The following CDH8 variants were observed in gnomAD, a reference collection of about 807,000 sequenced individuals.
The protein encoded by CDH8 is cadherin 8.
In CDH8, 17 loss-of-function variants were observed where a neutral mutation model predicts 68.1. That is an observed-to-expected ratio of 0.25 (90% CI 0.17 to 0.37). The LOEUF (loss-of-function observed/expected upper bound fraction) is 0.37. Ranked by LOEUF, CDH8 falls within the 10% of genes least tolerant of loss-of-function variation. The pLI, the probability that CDH8 is intolerant of heterozygous loss-of-function variation, is 1.00. For synonymous variants in CDH8, 372 were observed against 365.1 expected (o/e 1.02, Z -0.21); for missense variants, 763 against 999.3 (o/e 0.76, Z 3.19).
chr16:61,723,970 C>T (rs1959267815), intron 9 of CDH8, among the ~76,000 whole-genome samples: 1 of 149,754 alleles, frequency 6.7e-6, no homozygotes, highest in South Asian at 2.1e-4. Flanking sequence ...AAACAAATTA[C>T]CTGAAACTAT....
At chr16:61,938,895 A>G (rs1964667898) in intron 2 of CDH8, among the ~76,000 whole-genome samples, 1 of 152,160 alleles carries the variant, frequency 6.6e-6, no homozygotes, top group Non-Finnish European at 1.5e-5. Context: ...AAATGAGATG[A>G]TATATGTAAA....
At chr16:61,866,726 A>G (rs1207453302) in intron 3 of CDH8, among the ~76,000 whole-genome samples, 1 of 152,126 alleles carries the variant, frequency 6.6e-6, no homozygotes, top group African/African-American at 2.4e-5. Flanking sequence ...CCATTGCTTT[A>G]TTTAAAAAAT....
At chr16:62,009,952 A>T (rs1901766729) in intron 2 of CDH8, among the ~76,000 whole-genome samples, 1 of 152,216 alleles carries the variant, frequency 6.6e-6, no homozygotes, top group African/African-American at 2.4e-5. Context: ...ATGAGAAAGC[A>T]AAACATCAAG....
At chr16:61,899,096 T>C (rs1225374316) in intron 3 of CDH8, among the ~76,000 whole-genome samples, 1 of 152,122 alleles carries the variant, frequency 6.6e-6, no homozygotes, top group African/African-American at 2.4e-5. Context: ...ATCATCTACA[T>C]TAGGTATTTA....
At chr16:61,913,275 T>C (rs1479302766) in intron 2 of CDH8, among the ~76,000 whole-genome samples, 1 of 152,198 alleles carries the variant, frequency 6.6e-6, no homozygotes, top group African/African-American at 2.4e-5. Context: ...GTGTCAGATT[T>C]TCTACTGGTG....
intron 10 of CDH8, among the ~76,000 whole-genome samples, chr16:61,699,278 A>G (rs1964379713): frequency 6.6e-6 from 1 of 152,194 alleles, no homozygotes; most frequent in African/African-American, 2.4e-5. Context: ...ATAATCTGAT[A>G]AGGCATTTCC....
intron 8 of CDH8, among the ~76,000 whole-genome samples, chr16:61,727,514 A>C (rs11862141): frequency 0.67 from 101,674 of 150,752 alleles, 34,440 homozygotes; most frequent in South Asian, 0.68. Context: ...ATAAGGGATC[A>C]ATTCTTTAAA....
rs78530389 is a variant in CDH8, at chr16:61,929,485, G to A, written c.253-28012C>T. On this transcript the variant is annotated intron_variant, in intron 2 of 11. Coordinates refer to ENST00000577390, the MANE Select transcript of CDH8 (RefSeq NM_001796.5). ...TACATGGATTCGAGATTCTTATGAA[G>A]AGACCTATTATACTGACTGAGCTTA... Among the ~76,000 whole-genome samples, 1,417 of 152,274 alleles carry A rather than the reference G, an allele frequency of 9.3e-3. 11 individuals are homozygous for A. The highest frequency in any genetic ancestry group is 0.026 in the South Asian group (126 of 4,828).
At chr16:61,913,627 G>A (rs1248803213) in intron 2 of CDH8, among the ~76,000 whole-genome samples, 1 of 152,122 alleles carries the variant, frequency 6.6e-6, no homozygotes, top group Non-Finnish European at 1.5e-5. Context: ...GTGTGTGCAT[G>A]TGTACGTTTC....
intron 9 of CDH8, among the ~76,000 whole-genome samples, chr16:61,715,045 A>G (rs1408352379): frequency 6.6e-6 from 1 of 151,620 alleles, no homozygotes; most frequent in Non-Finnish European, 1.5e-5. Context: ...GGGGCTTTGC[A>G]TTGTATCAAG....
chr16:61,878,018 T>C (rs537022112), intron 3 of CDH8, among the ~76,000 whole-genome samples: 100 of 152,264 alleles, frequency 6.6e-4, no homozygotes, highest in Admixed American at 1.5e-3. Context: ...ATACCAAAGA[T>C]GTATGAGTAA....
chr16:61,723,395 G>A lies in CDH8; in HGVS notation c.1536+3699C>T, dbSNP rs565458377. ...TACCATTCTCTTCAGAAAGAATCTG[G>A]TTTATCCCCAGCTGTCTCCTTTTCA... On this transcript the variant is annotated intron_variant, in intron 9 of 11. Coordinates refer to ENST00000577390, the MANE Select transcript of CDH8 (RefSeq NM_001796.5). Among the ~76,000 whole-genome samples, 215 of 150,588 alleles carry A rather than the reference G, an allele frequency of 1.4e-3. 2 individuals carry two copies. Among genetic ancestry groups the A allele is most frequent in the Non-Finnish European group, 2.7e-3 (184 of 67,038 alleles).
At chr16:61,986,612 G>A (rs1486360627) in intron 2 of CDH8, among the ~76,000 whole-genome samples, 1 of 152,198 alleles carries the variant, frequency 6.6e-6, no homozygotes, top group Non-Finnish European at 1.5e-5. Context: ...AAGAACTGGA[G>A]ATATGTGTCC....
intron 8 of CDH8, among the ~76,000 whole-genome samples, chr16:61,760,210 A>G (rs991700238): frequency 3.9e-5 from 6 of 152,140 alleles, no homozygotes; most frequent in African/African-American, 1.4e-4. Flanking sequence ...GAACAAATTA[A>G]TTGGTTACTA....
intron 8 of CDH8, among the ~76,000 whole-genome samples, chr16:61,775,333 T>G (rs1343707662): frequency 6.6e-6 from 1 of 152,140 alleles, no homozygotes; most frequent in Non-Finnish European, 1.5e-5. Context: ...GCATGCATTA[T>G]CCTGAGAAGA....
At position 61,652,692 on chromosome 16, in the gene CDH8, A is replaced by C; in HGVS notation, c.*916T>G. ...AATGGATATAATTTAGTTTTTTCCC[A>C]TATATCCCCTTAATCTATAGATTAC... On this transcript the variant is annotated 3_prime_UTR_variant, in exon 12 of 12. Transcript: ENST00000577390. 8.1e-7 allele frequency: 1 copy of C among 1,238,566 alleles called. No individual in the cohort carries two copies. The highest frequency in any genetic ancestry group is 3.3e-5 in the South Asian group (1 of 30,028). 76.7% of individuals were successfully genotyped at this position (1,238,566 alleles called of 1,614,324 possible). A position where few individuals can be genotyped will look rare whatever the true frequency, so the allele number is the denominator to read the frequency against.
chr16:61,992,077 T>TGTGAGAGAGA (rs34925928), intron 2 of CDH8, among the ~76,000 whole-genome samples: 8 of 144,246 alleles, frequency 5.5e-5, no homozygotes, highest in African/African-American at 2.1e-4. Flanking sequence ...TGTGTGTGTG[T>TGTGAGAGAGA]GAGAGAGAGA....
rs548866995 is a variant in CDH8 at position 61,919,863 on chromosome 16, C to G, written c.253-18390G>C. Among the ~76,000 whole-genome samples the G allele has an allele frequency of 3.3e-4, 51 of 152,256 alleles. No homozygotes were observed. The South Asian group carries it at 0.01, about 31-fold the overall frequency. On this transcript the variant is annotated intron_variant, in intron 2 of 11. Transcript: ENST00000577390. The stretch of plus-strand genomic sequence containing the variant: ...CCTGACTTCAAACTATACTACAAGG[C>G]TACAGTAACCAAAACAGCATGGTAC...
At chr16:61,866,038 C>A (rs1375977677) in intron 3 of CDH8, among the ~76,000 whole-genome samples, 19 of 151,954 alleles carry the variant, frequency 1.3e-4, no homozygotes, top group Admixed American at 1.2e-3. Flanking sequence ...GGCAACATGG[C>A]CAAACTCTGT....
Sources: allele counts gnomAD v4.1 joint callset (sites outside exome capture counted in the v4.1 genomes callset), GRCh38; gene constraint gnomAD v4.1.1; transcripts MANE v1.5; gene names NCBI Gene and HGNC (gene_info 2026-07-23, HGNC 2026-07-21).